PCDHGA1: variants seen among roughly 807,000 people sequenced by gnomAD.
PCDHGA1 encodes protocadherin gamma-A1.
Under a neutral mutation model 58.0 loss-of-function variants are expected in PCDHGA1, and 32 were observed. The observed-to-expected ratio is 0.55, with a 90% confidence interval of 0.42 to 0.74. The LOEUF is 0.74. Ranked by LOEUF, PCDHGA1 falls within the 30% of genes least tolerant of loss-of-function variation. PCDHGA1 has a pLI of 0.00. For synonymous variants in PCDHGA1, 498 were observed against 501.1 expected (o/e 0.99, Z 0.08); for missense variants, 1,205 against 1,182.3 (o/e 1.02, Z -0.28).
intron 1 of PCDHGA1, among the ~76,000 whole-genome samples, chr5:141,437,164 T>C (rs1262289843): frequency 1.3e-5 from 2 of 152,226 alleles, no homozygotes; most frequent in Non-Finnish European, 2.9e-5. Flanking sequence ...GTGTTGATTG[T>C]TTTCTGAGAC....
chr5:141,372,028 A>G (rs1367060313), intron 1 of PCDHGA1: 2 of 1,613,362 alleles, frequency 1.2e-6, no homozygotes, highest in South Asian at 1.1e-5. Flanking sequence ...CTCAGCGCCA[A>G]CGTGAGCCTG....
intron 1 of PCDHGA1, chr5:141,371,678 C>A: frequency 2.5e-6 from 4 of 1,614,040 alleles, no homozygotes; most frequent in Non-Finnish European, 3.4e-6. Flanking sequence ...CCGACAAAGG[C>A]AATCCACCGC....
At chr5:141,427,519 G>A (rs1428732557) in intron 1 of PCDHGA1, 1 of 602,000 alleles carries the variant, frequency 1.7e-6, no homozygotes, top group Non-Finnish European at 3.1e-6. Context: ...GATTGGGAGC[G>A]GATCCCGGAG....
intron 1 of PCDHGA1, chr5:141,382,845 C>T: frequency 6.8e-7 from 1 of 1,475,804 alleles, no homozygotes; most frequent in African/African-American, 1.4e-5. Context: ...CGGATACACC[C>T]GCATTCTGAA....
intron 1 of PCDHGA1, among the ~76,000 whole-genome samples, chr5:141,425,629 C>G (rs1297803997): frequency 1.3e-5 from 2 of 152,162 alleles, no homozygotes; most frequent in Admixed American, 1.3e-4. Flanking sequence ...CTCCAGTTTT[C>G]TCTGATAAAA....
intron 1 of PCDHGA1, chr5:141,350,941 C>CCGAGTTA: frequency 6.2e-7 from 1 of 1,614,076 alleles, no homozygotes; most frequent in Non-Finnish European, 8.5e-7. Context: ...ATATCTGGAT[C>CCGAGTTA]CGAGTTACGG....
At chr5:141,435,050 C>A (rs2154556494) in intron 1 of PCDHGA1, among the ~76,000 whole-genome samples, 1 of 151,994 alleles carries the variant, frequency 6.6e-6, no homozygotes, top group East Asian at 1.9e-4. Flanking sequence ...TCCCATTGAC[C>A]ATGCAGCAGT....
At position 141,333,205 on chromosome 5, in the gene PCDHGA1, A is replaced by G. The variant is rs188101907; in HGVS notation, c.2421+100A>G. On this transcript the variant is annotated intron_variant, in intron 1 of 3. Coordinates refer to ENST00000517417, the MANE Select transcript of PCDHGA1 (RefSeq NM_018912.3). The stretch of plus-strand genomic sequence containing the variant: ...TTGCTACAGATAGTTCTTCTAACCC[A>G]TGTATCTTTGTAGCTTTTTATTACA... 7,872 of 1,537,886 alleles carry G rather than the reference A, an allele frequency of 5.1e-3. 42 individuals carry two copies. The highest frequency in any genetic ancestry group is 9.5e-3 in the Admixed American group (508 of 53,448).
At chr5:141,494,763 C>T in intron 1 of PCDHGA1, 44 bp from the exon 2 acceptor site, 4 of 1,613,926 alleles carry the variant, frequency 2.5e-6, no homozygotes, top group Admixed American at 1.7e-5. Context: ...GACATTCTAA[C>T]TTCTCACGGG....
intron 1 of PCDHGA1, chr5:141,371,741 T>C (rs1767988332): frequency 6.2e-7 from 1 of 1,614,004 alleles, no homozygotes; most frequent in East Asian, 2.2e-5. Flanking sequence ...ACGACAACGT[T>C]CCCGTTTTCC....
chr5:141,352,154 G>C (rs770780067), intron 1 of PCDHGA1: 20 of 1,612,750 alleles, frequency 1.2e-5, no homozygotes, highest in Non-Finnish European at 1.7e-5. Flanking sequence ...GGGCGACAGG[G>C]ACGCGGCCCG....
chr5:141,371,262 C>T (rs368232567), intron 1 of PCDHGA1: 3 of 1,613,880 alleles, frequency 1.9e-6, no homozygotes, highest in Non-Finnish European at 2.5e-6. Flanking sequence ...GGAAGTGAGA[C>T]AACTGTTCAA....
intron 1 of PCDHGA1, chr5:141,357,547 G>A: frequency 1.2e-6 from 2 of 1,614,214 alleles, no homozygotes; most frequent in African/African-American, 1.3e-5. Context: ...CATCAGCCGG[G>A]AGAGTTGTGA....
intron 2 of PCDHGA1, among the ~76,000 whole-genome samples, chr5:141,500,948 A>G (rs1055841985): frequency 1.8e-4 from 28 of 151,592 alleles, no homozygotes; most frequent in Non-Finnish European, 4.4e-5. Context: ...GGCTCACTGC[A>G]AGCTCCACCT....
At chr5:141,363,378 T>C (rs1334101869) in intron 1 of PCDHGA1, among the ~76,000 whole-genome samples, 2 of 152,250 alleles carry the variant, frequency 1.3e-5, no homozygotes, top group Admixed American at 6.5e-5. Context: ...AAGAGGTTTT[T>C]CTATTTCTGT....
rs548263490 is a variant in PCDHGA1, at chr5:141,390,417, A to G, written c.2421+57312A>G. On this transcript the variant is annotated intron_variant, in intron 1 of 3. Transcript: ENST00000517417. ...CATTTTAGGAAAGTTGTAGTCAGTT[A>G]AAAAGCTGTCATATCATTCTACAAA... 4 of 1,127,796 alleles carry G rather than the reference A, an allele frequency of 3.5e-6. No homozygotes were observed. The South Asian group carries it at 4.8e-5, about 13-fold the overall frequency. 69.9% of individuals were successfully genotyped at this position (1,127,796 alleles called of 1,614,324 possible). A position where few individuals can be genotyped will look rare whatever the true frequency, so the allele number is the denominator to read the frequency against.
At chr5:141,382,585 A>C (rs543954739) in intron 1 of PCDHGA1, among the ~76,000 whole-genome samples, 8 of 152,250 alleles carry the variant, frequency 5.3e-5, no homozygotes, top group Non-Finnish European at 1.0e-4. Context: ...GGAAATTTTG[A>C]AAGATGAAAC....
chr5:141,343,744 G>C (rs1453095219), intron 1 of PCDHGA1: 2 of 323,316 alleles, frequency 6.2e-6, no homozygotes, highest in Non-Finnish European at 1.1e-5. Context: ...ATAATAATGT[G>C]TCTGAGAGGA....
chr5:141,332,874 C>A lies in PCDHGA1; in HGVS notation c.2190C>A (p.Gly730=). The A allele has an allele frequency of 1.2e-6, 2 of 1,614,230 alleles. No individual in the cohort carries two copies. Among genetic ancestry groups the A allele is most frequent in the Non-Finnish European group, 1.7e-6 (2 of 1,180,034 alleles). The part of the protein sequence containing the change: ...HKSRLLQASG[G]GLASMPGSHF... ...CACGTCTGCTACAGGCTTCGGGAGG[C>A]GGCTTAGCGAGCATGCCCGGTTCGC... Residue 730 remains glycine (G), a synonymous_variant, in exon 1 of 4, where the codon GGC becomes GGA. Coordinates refer to ENST00000517417, the MANE Select transcript of PCDHGA1 (RefSeq NM_018912.3). This position sits in a 1 kb window ranked among gnomAD's most constrained non-coding sequence, Gnocchi z 4.6.
Sources: allele counts gnomAD v4.1 joint callset (sites outside exome capture counted in the v4.1 genomes callset), GRCh38; gene constraint gnomAD v4.1.1; non-coding constraint Gnocchi (gnomAD v3.1); transcripts MANE v1.5; gene names NCBI Gene and HGNC (gene_info 2026-07-23, HGNC 2026-07-21).